The following SLC16A9 variants were observed in gnomAD, a reference collection of about 807,000 sequenced individuals.
SLC16A9 encodes solute carrier family 16 member 9, also known as monocarboxylate transporter 9.
Under a neutral mutation model 44.3 loss-of-function variants are expected in SLC16A9, and 26 were observed. That is an observed-to-expected ratio of 0.59 (90% CI 0.43 to 0.81). SLC16A9 has a LOEUF of 0.81. Among genes scored for constraint, SLC16A9 ranks in the 40% least tolerant of loss-of-function variants. SLC16A9 has a pLI of 0.00. For synonymous variants in SLC16A9, 230 were observed against 225.1 expected (o/e 1.02, Z -0.19); for missense variants, 559 against 595.8 (o/e 0.94, Z 0.64).
intron 1 of SLC16A9, among the ~76,000 whole-genome samples, chr10:59,696,100 G>GTCTCCCCACGGTCTCCCTCTCCC (rs1840364790): frequency 6.6e-6 from 1 of 151,218 alleles, no homozygotes; most frequent in South Asian, 2.1e-4. Context: ...CTCCCTCTCC[G>GTCTCCCCACGGTCTCCCTCTCCC]TCTCCCCACG....
At chr10:59,697,257 C>G (rs890550685) in intron 1 of SLC16A9, among the ~76,000 whole-genome samples, 1 of 151,574 alleles carries the variant, frequency 6.6e-6, no homozygotes, top group African/African-American at 2.4e-5. Context: ...TGAGAACAGG[C>G]CATGATGACA....
At chr10:59,680,721 C>T (rs923044394) in intron 2 of SLC16A9, among the ~76,000 whole-genome samples, 5 of 152,082 alleles carry the variant, frequency 3.3e-5, no homozygotes, top group Non-Finnish European at 7.4e-5. Flanking sequence ...TAGCTTATGC[C>T]TGTAATCCCA....
chr10:59,705,456 A>G (rs1840616782), intron 1 of SLC16A9, among the ~76,000 whole-genome samples: 1 of 152,172 alleles, frequency 6.6e-6, no homozygotes. Context: ...TAAGATCAAA[A>G]TAATGCCTCC....
At chr10:59,653,443 A>AAAAAAAAAAAAAAAAG in intron 5 of SLC16A9, among the ~76,000 whole-genome samples, 1 of 149,350 alleles carries the variant, frequency 6.7e-6, no homozygotes, top group Non-Finnish European at 1.5e-5. Context: ...AAAAAAAAAA[A>AAAAAAAAAAAAAAAAG]AAGCAGGCAT....
chr10:59,695,897 T>C (rs1279133240), intron 1 of SLC16A9, among the ~76,000 whole-genome samples: 1 of 152,150 alleles, frequency 6.6e-6, no homozygotes, highest in Non-Finnish European at 1.5e-5. Context: ...AACAATTTTT[T>C]CAATTACTTC....
At chr10:59,696,641 T>C (rs1457676099) in intron 1 of SLC16A9, among the ~76,000 whole-genome samples, 118 of 117,420 alleles carry the variant, frequency 1.0e-3, no homozygotes, top group South Asian at 2.8e-3. Flanking sequence ...CCGGCCGCCA[T>C]CCCATCTAGG....
At position 59,695,227 on chromosome 10, in the gene SLC16A9, A is replaced by G. The variant is rs564701144; in HGVS notation, c.-36-10900T>C. 3.9e-4 allele frequency among the ~76,000 whole-genome samples: 59 copies of G among 152,248 alleles called. 1 individual carries two copies. Among genetic ancestry groups the G allele is most frequent in the African/African-American group, 1.4e-3 (59 of 41,534 alleles). ...TCTTCGGGGGTGATGAAAATGCTCT[A>G]AAATTGATGGTAGTGATGGTTGTAC... On this transcript the variant is annotated intron_variant, in intron 1 of 5. Transcript: ENST00000395348.
At chr10:59,698,191 C>A (rs887664600) in intron 1 of SLC16A9, among the ~76,000 whole-genome samples, 2 of 152,150 alleles carry the variant, frequency 1.3e-5, no homozygotes, top group East Asian at 1.9e-4. Flanking sequence ...ACTTTTAAAT[C>A]TTTAGTTATT....
chr10:59,669,330 T>G (rs1292353439), intron 3 of SLC16A9, among the ~76,000 whole-genome samples: 1 of 152,200 alleles, frequency 6.6e-6, no homozygotes, highest in East Asian at 1.9e-4. Context: ...AACAGGAGAC[T>G]CAATTCCCAG....
chr10:59,666,268 C>T (rs1839614049), intron 3 of SLC16A9, among the ~76,000 whole-genome samples: 1 of 146,840 alleles, frequency 6.8e-6, no homozygotes, highest in Non-Finnish European at 1.5e-5. Flanking sequence ...CATTGCACTC[C>T]AGCCTAGGCA....
At chr10:59,685,500 A>G (rs752907555) in intron 1 of SLC16A9, among the ~76,000 whole-genome samples, 16 of 152,220 alleles carry the variant, frequency 1.1e-4, no homozygotes, top group Non-Finnish European at 2.2e-4. Flanking sequence ...AAAATAGCAT[A>G]TTATATACAT....
At chr10:59,670,647 C>A (rs889982967) in intron 3 of SLC16A9, among the ~76,000 whole-genome samples, 2 of 152,180 alleles carry the variant, frequency 1.3e-5, no homozygotes, top group African/African-American at 4.8e-5. Context: ...AGAATTGCAT[C>A]TTACAAATGT....
intron 4 of SLC16A9, among the ~76,000 whole-genome samples, chr10:59,657,350 T>C (rs1839372369): frequency 1.3e-5 from 2 of 152,218 alleles, no homozygotes; most frequent in African/African-American, 2.4e-5. Context: ...CAAACCTTCA[T>C]TTCATGCCCA....
At chr10:59,662,932 A>G (rs1294553601) in intron 4 of SLC16A9, among the ~76,000 whole-genome samples, 1 of 152,232 alleles carries the variant, frequency 6.6e-6, no homozygotes, top group African/African-American at 2.4e-5. Flanking sequence ...ATTACTGGGT[A>G]TATACCCCAA....
chr10:59,671,711 A>G (rs970399012), intron 3 of SLC16A9, among the ~76,000 whole-genome samples: 3 of 152,364 alleles, frequency 2.0e-5, no homozygotes, highest in Admixed American at 6.5e-5. Flanking sequence ...GACAATAGCC[A>G]TAAGTGTAAG....
chr10:59,696,205 C>T (rs1302037635), intron 1 of SLC16A9, among the ~76,000 whole-genome samples: 2 of 152,220 alleles, frequency 1.3e-5, no homozygotes, highest in Non-Finnish European at 2.9e-5. Flanking sequence ...ACCTCCCTGC[C>T]TGATTCTCCT....
rs368972205 is a variant in SLC16A9 at position 59,653,775 on chromosome 10, A to G, written c.1251T>C (p.Tyr417=). 16 of 1,613,940 alleles carry G rather than the reference A, an allele frequency of 9.9e-6. No individual in the cohort carries two copies. Among genetic ancestry groups the G allele is most frequent in the East Asian group, 4.5e-5 (2 of 44,876 alleles). Residue 417 remains tyrosine, a synonymous_variant, in exon 5 of 6, where the codon TAT becomes TAC. Coordinates refer to ENST00000395348, the MANE Select transcript of SLC16A9 (RefSeq NM_194298.3). ...CAATTCCCACAGTCTTCGTGGTCAC[A>G]TATGGAAAGATGGACCAATTACCAG... The part of the protein sequence containing the change: ...FLTGNWSIFP[Y]VTTKTVGIEK...
intron 1 of SLC16A9, among the ~76,000 whole-genome samples, chr10:59,699,423 T>C (rs1156701148): frequency 2.6e-5 from 4 of 152,184 alleles, no homozygotes; most frequent in African/African-American, 9.6e-5. Flanking sequence ...CATGAGAACG[T>C]CTATTCTAGA....
chr10:59,678,259 G>A (rs1281120112), intron 2 of SLC16A9, among the ~76,000 whole-genome samples: 1 of 151,820 alleles, frequency 6.6e-6, no homozygotes, highest in Middle Eastern at 3.2e-3. Context: ...GGATCAGTTG[G>A]GCCTGTGAAG....
Sources: allele counts gnomAD v4.1 joint callset (sites outside exome capture counted in the v4.1 genomes callset), GRCh38; gene constraint gnomAD v4.1.1; transcripts MANE v1.5; gene names NCBI Gene and HGNC (gene_info 2026-07-23, HGNC 2026-07-21).